The following SIPA1L3 variants were observed in gnomAD, a reference collection of about 807,000 sequenced individuals.
SIPA1L3 encodes the protein signal induced proliferation associated 1 like 3, also known as signal-induced proliferation-associated 1-like protein 3.
A neutral mutation model predicts 150.1 loss-of-function variants in SIPA1L3; 59 were observed. The observed-to-expected ratio is 0.39, with a 90% CI of 0.32 to 0.49. SIPA1L3 has a LOEUF of 0.49. Ranked by LOEUF, SIPA1L3 falls within the 20% of genes least tolerant of loss-of-function variation. SIPA1L3 has a pLI of 0.86. For synonymous variants in SIPA1L3, 1,070 were observed against 1,077.6 expected (o/e 0.99, Z 0.14); for missense variants, 2,211 against 2,489.5 (o/e 0.89, Z 2.38).
At chr19:38,006,934 C>T (rs974497474) in intron 1 of SIPA1L3, among the ~76,000 whole-genome samples, 1 of 152,166 alleles carries the variant, frequency 6.6e-6, no homozygotes. Context: ...AGGAATCAGT[C>T]GGGTTTGTCT....
At chr19:37,950,076 CAAAAAAAAAAAA>C (rs35506284) in intron 1 of SIPA1L3, among the ~76,000 whole-genome samples, 1 of 55,708 alleles carries the variant, frequency 1.8e-5, no homozygotes, top group East Asian at 4.9e-4. Context: ...GACTGTGTCT[CAAAAAAAAAAAA>C]AAAAAAAAAA....
At chr19:38,121,725 C>T (rs1236568123) in intron 9 of SIPA1L3, among the ~76,000 whole-genome samples, 3 of 151,522 alleles carry the variant, frequency 2.0e-5, no homozygotes, top group South Asian at 2.1e-4. Context: ...GGTGACAGAG[C>T]GAGACTCCGT....
intron 9 of SIPA1L3, among the ~76,000 whole-genome samples, chr19:38,127,780 AT>A (rs1265380912): frequency 6.6e-6 from 1 of 152,100 alleles, no homozygotes; most frequent in African/African-American, 2.4e-5. Flanking sequence ...GATTACAGAG[AT>A]TACAGGTGTG....
chr19:38,083,093 G>T lies in SIPA1L3; in HGVS notation c.1528G>T (p.Gly510Cys). 6.2e-7 allele frequency: 1 copy of T among 1,608,114 alleles called. No individual in the cohort carries two copies. The highest frequency in any genetic ancestry group is 1.1e-5 in the South Asian group (1 of 91,032). ...GARYYQDYFV[G>C]KEHANYFGVD... ...CCGCTACTACCAGGATTACTTCGTG[G>T]GCAAAGGTGACGGATGGCGTGTGGG... The change falls in exon 3 of 22, where the codon GGC becomes TGC. Residue 510 changes from glycine (G) to cysteine (C), a missense_variant. This residue lies in a region of SIPA1L3 where 625 missense variants were observed against 804.2 expected (regional missense o/e 0.78). Transcript: ENST00000222345.
At chr19:38,109,843 A>C (rs73630898) in intron 7 of SIPA1L3, 4,381 of 190,708 alleles carry the variant, frequency 0.023, 190 homozygotes, top group African/African-American at 0.094. Flanking sequence ...GGGACAGAAA[A>C]GCAAAGATCA....
intron 1 of SIPA1L3, among the ~76,000 whole-genome samples, chr19:38,023,999 C>A (rs934843394): frequency 5.9e-5 from 9 of 152,056 alleles, no homozygotes; most frequent in Admixed American, 2.0e-4. Flanking sequence ...ATTGGCCAGC[C>A]CTTCTTCCTT....
chr19:38,096,813 G>A (rs1970390166), intron 4 of SIPA1L3, among the ~76,000 whole-genome samples: 2 of 152,156 alleles, frequency 1.3e-5, no homozygotes, highest in Non-Finnish European at 2.9e-5. Context: ...TAAAATTGAA[G>A]ATTAGCATGC....
At chr19:38,068,348 G>A (rs565291986) in intron 2 of SIPA1L3, among the ~76,000 whole-genome samples, 1 of 152,138 alleles carries the variant, frequency 6.6e-6, no homozygotes, top group African/African-American at 2.4e-5. Flanking sequence ...GATTCTTAAC[G>A]TGCAATCTGC....
intron 6 of SIPA1L3, among the ~76,000 whole-genome samples, chr19:38,103,143 A>G (rs1416514400): frequency 6.6e-6 from 1 of 151,848 alleles, no homozygotes; most frequent in Non-Finnish European, 1.5e-5. Flanking sequence ...TAGAAAAAAA[A>G]AAAAAACAAG....
chr19:38,028,718 A>T (rs1968573201), intron 1 of SIPA1L3, among the ~76,000 whole-genome samples: 1 of 143,620 alleles, frequency 7.0e-6, no homozygotes, highest in Non-Finnish European at 1.5e-5. Context: ...TTTGAGACAG[A>T]GTCTTGCTCC....
chr19:38,078,355 T>G (rs1410919028), intron 2 of SIPA1L3, among the ~76,000 whole-genome samples: 1 of 152,080 alleles, frequency 6.6e-6, no homozygotes, highest in African/African-American at 2.4e-5. Flanking sequence ...TGAATCTGCT[T>G]TGAGCTTCCC....
intron 1 of SIPA1L3, among the ~76,000 whole-genome samples, chr19:37,921,241 G>A (rs762757417): frequency 3.3e-5 from 5 of 152,188 alleles, no homozygotes; most frequent in Admixed American, 6.6e-5. Context: ...GCCGGCGTGC[G>A]CTCCCCGCTC....
At chr19:38,133,619 T>C (rs1439757190) in intron 10 of SIPA1L3, among the ~76,000 whole-genome samples, 1 of 151,808 alleles carries the variant, frequency 6.6e-6, no homozygotes, top group Non-Finnish European at 1.5e-5. Flanking sequence ...AACAAGTAAA[T>C]GAATGAGATG....
At chr19:37,976,971 A>T (rs556662971) in intron 1 of SIPA1L3, among the ~76,000 whole-genome samples, 1 of 151,940 alleles carries the variant, frequency 6.6e-6, no homozygotes, top group African/African-American at 2.4e-5. Context: ...AGTAGCTGGG[A>T]CTATAGGCAT....
chr19:37,911,866 C>T (rs922733881), intron 1 of SIPA1L3, among the ~76,000 whole-genome samples: 11 of 151,558 alleles, frequency 7.3e-5, no homozygotes, highest in African/African-American at 2.4e-4. Context: ...CTCAGGAGAT[C>T]GAGACCATCC....
chr19:38,070,627 T>G (rs1307727755), intron 2 of SIPA1L3, among the ~76,000 whole-genome samples: 1 of 152,252 alleles, frequency 6.6e-6, no homozygotes, highest in Non-Finnish European at 1.5e-5. Context: ...AATATGTTTT[T>G]AGGGCTTTGT....
chr19:38,055,073 C>A (rs531986238), intron 2 of SIPA1L3, among the ~76,000 whole-genome samples: 1 of 152,192 alleles, frequency 6.6e-6, no homozygotes, highest in Non-Finnish European at 1.5e-5. Flanking sequence ...CTAGCCTTGT[C>A]GCTTCCTAAC....
chr19:37,960,534 G>T (rs1445004753), intron 1 of SIPA1L3, among the ~76,000 whole-genome samples: 1 of 151,704 alleles, frequency 6.6e-6, no homozygotes, highest in Non-Finnish European at 1.5e-5. Flanking sequence ...CTCCCGAGTA[G>T]CTGGGACTAC....
At chr19:38,043,011 C>T (rs553876879) in intron 2 of SIPA1L3, among the ~76,000 whole-genome samples, 3 of 152,150 alleles carry the variant, frequency 2.0e-5, no homozygotes, top group Non-Finnish European at 4.4e-5. Flanking sequence ...ATGCTGCCTA[C>T]ATCATAATAT....
Sources: gnomAD v4.1 joint callset for allele counts (sites outside exome capture counted in the v4.1 genomes callset) on GRCh38, gnomAD v4.1.1 for gene constraint, gnomAD v4.1.1 regional missense constraint, MANE v1.5 for transcripts, NCBI Gene and HGNC (gene_info 2026-07-23, HGNC 2026-07-21) for gene names.